KMT2A: variants seen among roughly 807,000 people sequenced by gnomAD.
KMT2A encodes the protein histone-lysine N-methyltransferase 2A.
In KMT2A, 16 loss-of-function variants were observed where a neutral mutation model predicts 345.3. The observed-to-expected ratio is 0.05, with a 90% CI of 0.03 to 0.07. KMT2A has a LOEUF of 0.07. KMT2A is among the 10% of genes least tolerant of loss of function. The probability of loss-of-function intolerance (pLI) is 1.00; values close to 1 mark genes in which losing one functional copy is unlikely to be tolerated. For synonymous variants in KMT2A, 1,599 were observed against 1,778.6 expected, an observed-to-expected ratio of 0.90 and a Z score of 2.54; for missense variants, 3,272 against 4,841.6, an observed-to-expected ratio of 0.68 and a Z score of 9.62.
rs1949960685 is a variant in KMT2A at position 118,472,540 on chromosome 11, A to G, written c.1381A>G (p.Lys461Glu). The G allele has an allele frequency of 6.2e-7, 1 of 1,612,926 alleles. No individual in the cohort carries two copies. Among genetic ancestry groups the G allele is most frequent in the Non-Finnish European group, 8.5e-7 (1 of 1,179,870 alleles). The change falls in exon 3 of 36, where the codon AAA (lysine) becomes GAA (glutamate). Residue 461 changes from lysine to glutamate, a missense_variant. This residue lies in a region of KMT2A where 180 missense variants were observed against 190.7 expected (regional missense o/e 0.94). Coordinates refer to ENST00000534358, the MANE Select transcript of KMT2A (RefSeq NM_001197104.2). ...FSAPSCGSSE[K>E]SSAASQHSSQ... is the part of the protein sequence containing the mutation. ...TGCCCCGTCCTGTGGATCTTCTGAA[A>G]AATCAAGTGCAGCTTCTCAGCACTC...
At chr11:118,462,926 C>G (rs1167208881) in intron 1 of KMT2A, among the ~76,000 whole-genome samples, 1 of 151,904 alleles carries the variant, frequency 6.6e-6, no homozygotes, top group African/African-American at 2.4e-5. Context: ...ATTAATGCTT[C>G]CTGTCATTTT....
At chr11:118,518,848 C>T (rs149109658) in intron 31 of KMT2A, among the ~76,000 whole-genome samples, 3,713 of 147,806 alleles carry the variant, frequency 0.025, 113 homozygotes, top group African/African-American at 0.066. Context: ...AAGGCCAAGG[C>T]GGGTGGATCA....
intron 31 of KMT2A, among the ~76,000 whole-genome samples, chr11:118,516,226 T>G (rs1759927921): frequency 6.6e-6 from 1 of 152,126 alleles, no homozygotes; most frequent in Non-Finnish European, 1.5e-5. Context: ...GGAAATGAAA[T>G]AGAGAGTGAC....
In KMT2A at chr11:118,520,767, A is replaced by G. The variant is rs782548783; in HGVS notation, c.11430-35A>G. The G allele has an allele frequency of 6.6e-7, 1 of 1,511,620 alleles. No individual in the cohort carries two copies. Among genetic ancestry groups the G allele is most frequent in the Non-Finnish European group, 9.2e-7 (1 of 1,086,766 alleles). The allele number at this position is 1,511,620 out of a possible 1,614,324, so 93.6% of individuals were successfully genotyped here. On this transcript the variant is annotated intron_variant, in intron 33 of 35. Transcript: ENST00000534358. This position sits in a 1 kb window ranked among gnomAD's most constrained non-coding sequence, Gnocchi z 4.3. ...TCAAGACTCAAAACATTATTTCCTG[A>G]AAAAAATTCGTTAATAGTATGTCTT... is the stretch of plus-strand genomic sequence containing the variant.
rs577848493 is a variant in KMT2A at position 118,450,789 on chromosome 11, C to A, written c.432+13845C>A. The A allele has an allele frequency of 1.3e-4, 20 of 152,354 alleles. No homozygotes were observed. The South Asian group carries it at 4.1e-3, about 32-fold the overall frequency. The allele number at this position is 152,354 out of a possible 1,614,324, so 9.4% of individuals were successfully genotyped here. ...TGCCCTTGTTCCTGCCCCTGACAAT[C>A]TGTTCACAAGAGAATATGATGTCAG... is the stretch of plus-strand genomic sequence containing the variant. On this transcript the variant is annotated intron_variant, in intron 1 of 35. Coordinates refer to ENST00000534358, the MANE Select transcript of KMT2A (RefSeq NM_001197104.2).
At chr11:118,478,713 A>G (rs1950080608) in intron 5 of KMT2A, among the ~76,000 whole-genome samples, 1 of 152,176 alleles carries the variant, frequency 6.6e-6, no homozygotes, top group Non-Finnish European at 1.5e-5. Flanking sequence ...CCTTGCATAA[A>G]TATCTGTGCT....
chr11:118,445,870 G>T (rs1949408613), intron 1 of KMT2A, among the ~76,000 whole-genome samples: 1 of 151,768 alleles, frequency 6.6e-6, no homozygotes, highest in Admixed American at 6.6e-5. Flanking sequence ...GGGTGTGGTG[G>T]TTGCGCACCT....
rs1307746824 is a variant in KMT2A, at chr11:118,490,480, T to G, written c.4696+231T>G. Among the ~76,000 whole-genome samples, 1 of 152,200 alleles carries G rather than the reference T, an allele frequency of 6.6e-6. No homozygotes were observed. Among genetic ancestry groups the G allele is most frequent in the Non-Finnish European group, 1.5e-5 (1 of 68,040 alleles). ...TATAACTAACCACAAAGAAATCCTC[T>G]AAGCTAGTATTTCCCAAAGTGTGAT... is the stretch of plus-strand genomic sequence containing the variant. On this transcript the variant is annotated intron_variant, in intron 13 of 35. Coordinates refer to ENST00000534358, the MANE Select transcript of KMT2A (RefSeq NM_001197104.2). This position sits in a 1 kb window ranked among gnomAD's most constrained non-coding sequence, Gnocchi z 4.2.
Position 118,520,921 on chromosome 11 carries a change from G to A in KMT2A, c.11513+36G>A, listed in dbSNP as rs370487885. 204 of 1,514,842 alleles carry A rather than the reference G, an allele frequency of 1.3e-4. 2 individuals carry two copies. The highest frequency in any genetic ancestry group is 1.7e-4 in the Non-Finnish European group (181 of 1,090,370). 93.8% of individuals were successfully genotyped at this position (1,514,842 alleles called of 1,614,324 possible). A position where few individuals can be genotyped will look rare whatever the true frequency, so the allele number is the denominator to read the frequency against. ...AATTCTAGAAAGAATTACAGAAAAC[G>A]AATGCAGTTTTTCAAAATCAAAGCA... On this transcript the variant is annotated intron_variant, in intron 34 of 35. Transcript: ENST00000534358. This position sits in a 1 kb window ranked among gnomAD's most constrained non-coding sequence, Gnocchi z 4.3.
chr11:118,448,565 C>T (rs1847432292), intron 1 of KMT2A: 1 of 152,056 alleles, frequency 6.6e-6, no homozygotes, highest in African/African-American at 2.4e-5. Context: ...CTGATATTAC[C>T]ACCAGCCAGT....
At chr11:118,488,405 TTCC>T (rs1950266987) in intron 10 of KMT2A, 7 of 611,980 alleles carry the variant, frequency 1.1e-5, no homozygotes, top group South Asian at 6.8e-5. Context: ...TACTTTCTAT[TTCC>T]ACTGGTATTA....
In KMT2A at chr11:118,491,914, C is replaced by G. The variant is rs572793420; in HGVS notation, c.4990C>G (p.Leu1664Val). The G allele has an allele frequency of 1.9e-6, 3 of 1,613,164 alleles. No individual in the cohort carries two copies. The highest frequency in any genetic ancestry group is 1.7e-5 in the Admixed American group (1 of 59,996). ...GAATTCTCGGACTACCAGCCATTTG[C>G]TACGCTACCGGCAGGTAGGCCAAGT... Reference protein sequence around the residue: ...LLNSRTTSHLLRYRQAAKPPD... With the variant: ...LLNSRTTSHLVRYRQAAKPPD... Residue 1664 changes from leucine (L) to valine (V), a missense_variant, in exon 15 of 36, where the codon CTA becomes GTA. By Grantham distance (32) the Leu-to-Val change is conservative. This residue lies in a region of KMT2A where 66 missense variants were observed against 80.1 expected (regional missense o/e 0.82). Transcript: ENST00000534358. This position sits in a 1 kb window ranked among gnomAD's most constrained non-coding sequence, Gnocchi z 4.2.
chr11:118,512,809 T>TG (rs570367506), intron 31 of KMT2A, among the ~76,000 whole-genome samples: 17 of 152,214 alleles, frequency 1.1e-4, no homozygotes, highest in African/African-American at 3.8e-4. Context: ...TTTTGTTTTT[T>TG]TTTTTTTATT....
chr11:118,501,095 T>C lies in KMT2A; in HGVS notation c.6267T>C (p.Thr2089=), dbSNP rs781992422. 1 of 1,614,142 alleles carries C rather than the reference T, an allele frequency of 6.2e-7. No homozygotes were observed. The highest frequency in any genetic ancestry group is 8.5e-7 in the Non-Finnish European group (1 of 1,179,990). The change falls in exon 25 of 36, where the codon ACT becomes ACC. Residue 2089 remains threonine (T), a synonymous_variant. Coordinates refer to ENST00000534358, the MANE Select transcript of KMT2A (RefSeq NM_001197104.2). ...PPVVEPDINS[T]VEHDENRTIA... ...TCGTAGAGCCGGATATCAACAGCAC[T>C]GTTGAACATGATGAAAACAGGACCA... is the stretch of plus-strand genomic sequence containing the variant.
intron 10 of KMT2A, among the ~76,000 whole-genome samples, chr11:118,485,820 C>T (rs1309942776): frequency 1.3e-5 from 2 of 152,324 alleles, no homozygotes; most frequent in African/African-American, 2.4e-5. Context: ...CGGTGGCTCA[C>T]GCCTGTAATC....
At position 118,495,466 on chromosome 11, in the gene KMT2A, T is replaced by C. The variant is rs1555043734; in HGVS notation, c.5364-234T>C. ...GCCACCATGCCCGGCCTCTTTTGAG[T>C]TTTTGATAGGGTTATCATTTGTTTC... On this transcript the variant is annotated intron_variant, in intron 18 of 35. Transcript: ENST00000534358. This position sits in a 1 kb window ranked among gnomAD's most constrained non-coding sequence, Gnocchi z 4.1. 6.6e-6 allele frequency among the ~76,000 whole-genome samples: 1 copy of C among 152,064 alleles called. No homozygotes were observed. Among genetic ancestry groups the C allele is most frequent in the African/African-American group, 2.4e-5 (1 of 41,396 alleles).
In KMT2A at chr11:118,480,199, T is replaced by C. The variant is rs1950106676; in HGVS notation, c.3595T>C (p.Trp1199Arg). Residue 1199 changes from tryptophan (W) to arginine (R), a missense_variant, in exon 6 of 36, where the codon TGG becomes CGG. By Grantham distance (101) the Trp-to-Arg change is moderately radical (BLOSUM62 -3). This residue lies in a region of KMT2A where 26 missense variants were observed against 90.5 expected (regional missense o/e 0.29). Coordinates refer to ENST00000534358, the MANE Select transcript of KMT2A (RefSeq NM_001197104.2). ...CKMRKCQNLQWMPSKAYLQKQ... is the reference protein window; with the variant it reads ...CKMRKCQNLQRMPSKAYLQKQ... ...GATGAGAAAATGTCAGAATCTACAA[T>C]GGATGCCTTCCAAAGCCTACCTGCA... 6.2e-7 allele frequency: 1 copy of C among 1,613,668 alleles called. No individual in the cohort carries two copies. The highest frequency in any genetic ancestry group is 1.1e-5 in the South Asian group (1 of 91,082).
chr11:118,489,231 CAA>C (rs11412289), intron 11 of KMT2A, among the ~76,000 whole-genome samples: 12 of 90,632 alleles, frequency 1.3e-4, no homozygotes, highest in African/African-American at 4.5e-4. Context: ...GACTCCATCT[CAA>C]AAAAAAAAAA....
intron 1 of KMT2A, among the ~76,000 whole-genome samples, chr11:118,447,035 C>G (rs554424269): frequency 1.3e-5 from 2 of 152,208 alleles, no homozygotes; most frequent in Admixed American, 1.3e-4. Flanking sequence ...CCATTTTGAC[C>G]TGTCTTGGGC....
Sources: gnomAD v4.1 joint callset for allele counts (sites outside exome capture counted in the v4.1 genomes callset) on GRCh38, gnomAD v4.1.1 for gene constraint, gnomAD v4.1.1 regional missense constraint, Gnocchi (gnomAD v3.1) non-coding constraint, MANE v1.5 for transcripts, NCBI Gene and HGNC (gene_info 2026-07-23, HGNC 2026-07-21) for gene names.